The following TMEM185A variants were observed in gnomAD, a reference collection of about 807,000 sequenced individuals.
TMEM185A encodes the protein family with sequence similarity 11, member A.
In TMEM185A, 9 loss-of-function variants were observed where a neutral mutation model predicts 25.0. The ratio of observed to expected loss-of-function variants is 0.36; its 90% CI spans 0.22 to 0.63. The LOEUF (loss-of-function observed/expected upper bound fraction) is 0.63. Ranked by LOEUF, TMEM185A falls within the 20% of genes least tolerant of loss-of-function variation. TMEM185A has a pLI of 0.68. For missense variants in TMEM185A, 103 were observed against 237.4 expected (o/e 0.43, Z 3.72); for synonymous variants, 45 against 93.5 (o/e 0.48, Z 2.99).
intron 3 of TMEM185A, among the ~76,000 whole-genome samples, chrX:149,606,442 G>T (rs1365569009): frequency 8.9e-6 from 1 of 112,900 alleles, no homozygotes; most frequent in Non-Finnish European, 1.9e-5. Flanking sequence ...TGGGGTGCCT[G>T]GGGCACTTCA....
At chrX:149,620,680 C>T (rs782618668) in intron 1 of TMEM185A, among the ~76,000 whole-genome samples, 23 of 111,774 alleles carry the variant, frequency 2.1e-4, no homozygotes, top group Non-Finnish European at 3.8e-4. Flanking sequence ...TTTGACTTTG[C>T]AGATACCTGG....
intron 1 of TMEM185A, among the ~76,000 whole-genome samples, chrX:149,623,953 G>C (rs1192872639): frequency 8.9e-6 from 1 of 112,428 alleles, no homozygotes; most frequent in Non-Finnish European, 1.9e-5. Flanking sequence ...AGCCTGATTT[G>C]CAAAAGAATA....
intron 1 of TMEM185A, among the ~76,000 whole-genome samples, chrX:149,616,865 T>C (rs955774903): frequency 1.2e-4 from 14 of 112,718 alleles, no homozygotes; most frequent in African/African-American, 4.5e-4. Context: ...GGACAATTTA[T>C]ACTACATGCT....
intron 3 of TMEM185A, among the ~76,000 whole-genome samples, chrX:149,605,609 C>T (rs892279073): frequency 2.7e-5 from 3 of 111,944 alleles, no homozygotes; most frequent in Non-Finnish European, 5.6e-5. Flanking sequence ...ACAGTGGTCT[C>T]ATTTCTCAAG....
intron 1 of TMEM185A, among the ~76,000 whole-genome samples, chrX:149,630,557 A>G (rs782020692): frequency 8.9e-6 from 1 of 112,289 alleles, no homozygotes; most frequent in African/African-American, 3.2e-5. Context: ...AGAGTAGTGC[A>G]TTTAAGAGAT....
chrX:149,602,457 A>G (rs1557352496), intron 4 of TMEM185A, among the ~76,000 whole-genome samples: 1 of 112,358 alleles, frequency 8.9e-6, no homozygotes, highest in African/African-American at 3.2e-5. Context: ...TTCTCTGCAG[A>G]GTCTATGCAC....
At chrX:149,619,321 C>T (rs1431936360) in intron 1 of TMEM185A, among the ~76,000 whole-genome samples, 1 of 111,661 alleles carries the variant, frequency 9.0e-6, no homozygotes, top group Non-Finnish European at 1.9e-5. Flanking sequence ...GGGAGGTTGT[C>T]AAGCTCATGG....
chrX:149,605,828 T>C (rs188925656), intron 3 of TMEM185A, among the ~76,000 whole-genome samples: 6,072 of 111,548 alleles, frequency 0.054, 427 homozygotes, highest in East Asian at 0.27. Context: ...CCAAACGCCC[T>C]GCAGGCTGCT....
In TMEM185A at chrX:149,611,302, C is replaced by T. The variant is rs370479550; in HGVS notation, c.200G>A (p.Arg67Gln). ...GCAGTATTACCGATATTGAGGATTT[C>T]GTGCCCAGACTCCAGTTCCAACTGA... ...GASVGTGVWA[R>Q]NPQYRAEGET... Residue 67 changes from arginine to glutamine, a missense_variant, in exon 2 of 7, where the codon CGA becomes CAA. This residue lies in a region of TMEM185A where 102 missense variants were observed against 125.7 expected (regional missense o/e 0.81). Coordinates refer to ENST00000600449, the MANE Select transcript of TMEM185A (RefSeq NM_032508.4). 1.4e-5 allele frequency: 17 copies of T among 1,206,538 alleles called. No homozygotes were observed. In the African/African-American group the frequency reaches 1.8e-4, roughly 12 times the overall value.
chrX:149,608,857 A>C (rs1372345936), intron 2 of TMEM185A, 23 bp from the exon 3 acceptor site: 13 of 1,175,028 alleles, frequency 1.1e-5, no homozygotes, highest in African/African-American at 1.8e-5. Context: ...GAGAAGAAGA[A>C]AACACCCTCA....
chrX:149,608,475 C>A, intron 3 of TMEM185A, 152 bp downstream of exon 3: 2 of 484,352 alleles, frequency 4.1e-6, no homozygotes, highest in Non-Finnish European at 6.8e-6. Context: ...GGATTACTGG[C>A]GCATGCCACC....
At chrX:149,604,372 A>G (rs2090034366) in intron 3 of TMEM185A, among the ~76,000 whole-genome samples, 1 of 111,723 alleles carries the variant, frequency 9.0e-6, no homozygotes, top group Non-Finnish European at 1.9e-5. Flanking sequence ...GCTGCAATAG[A>G]CCACTAAACT....
intron 1 of TMEM185A, among the ~76,000 whole-genome samples, chrX:149,625,236 A>G (rs782634331): frequency 2.6e-4 from 29 of 111,905 alleles, no homozygotes; most frequent in African/African-American, 8.1e-4. Context: ...GAAACTATCT[A>G]AAACTCCTTC....
intron 3 of TMEM185A, among the ~76,000 whole-genome samples, chrX:149,604,407 C>G (rs1185390472): frequency 1.8e-5 from 2 of 112,045 alleles, no homozygotes; most frequent in East Asian, 5.6e-4. Flanking sequence ...ACCAACAATA[C>G]TGTCTACTCG....
chrX:149,631,051 T>A (rs1386475284), intron 1 of TMEM185A, among the ~76,000 whole-genome samples: 2 of 110,215 alleles, frequency 1.8e-5, no homozygotes, highest in Non-Finnish European at 1.9e-5. Context: ...AGGTATCCGT[T>A]CAACAAAGAA....
intron 1 of TMEM185A, among the ~76,000 whole-genome samples, chrX:149,627,801 T>TA (rs1206621667): frequency 1.8e-5 from 2 of 112,425 alleles, no homozygotes; most frequent in Non-Finnish European, 3.8e-5. Context: ...TTTTTGTACT[T>TA]AGAGCACCTA....
chrX:149,605,295 GGCC>G (rs2090041832), intron 3 of TMEM185A: 1 of 66,065 alleles, frequency 1.5e-5, no homozygotes, highest in Non-Finnish European at 2.6e-5. Context: ...CACTTTCTAT[GGCC>G]TCCCATGTCA....
intron 1 of TMEM185A, among the ~76,000 whole-genome samples, chrX:149,626,636 G>A (rs782532034): frequency 4.4e-5 from 5 of 112,430 alleles, no homozygotes; most frequent in South Asian, 3.7e-4. Flanking sequence ...CCAGGGGACC[G>A]GCACTCAGCA....
At chrX:149,629,232 G>A (rs2124243739) in intron 1 of TMEM185A, among the ~76,000 whole-genome samples, 1 of 111,609 alleles carries the variant, frequency 9.0e-6, no homozygotes, top group African/African-American at 3.3e-5. Flanking sequence ...AACATTCCTG[G>A]TAAAGAGAAC....
Sources: allele counts gnomAD v4.1 joint callset (sites outside exome capture counted in the v4.1 genomes callset), GRCh38; gene constraint gnomAD v4.1.1; regional missense constraint gnomAD v4.1.1; transcripts MANE v1.5; gene names NCBI Gene and HGNC (gene_info 2026-07-23, HGNC 2026-07-21).